The following ADAMTS6 variants were observed in gnomAD, a reference collection of about 807,000 sequenced individuals.
ADAMTS6 encodes ADAM metallopeptidase with thrombospondin type 1 motif 6, also known as A disintegrin and metalloproteinase with thrombospondin motifs 6.
A neutral mutation model predicts 144.3 loss-of-function variants in ADAMTS6; 23 were observed. The ratio of observed to expected loss-of-function variants is 0.16; its 90% CI spans 0.11 to 0.23. ADAMTS6 has a LOEUF of 0.23. Ranked by LOEUF, ADAMTS6 falls within the 10% of genes least tolerant of loss-of-function variation. The pLI is 1.00. For missense variants in ADAMTS6, 999 were observed against 1,379.6 expected (o/e 0.72, Z 4.37); for synonymous variants, 444 against 457.5 (o/e 0.97, Z 0.38).
At chr5:65,397,000 G>A (rs995998523) in intron 7 of ADAMTS6, among the ~76,000 whole-genome samples, 1 of 152,146 alleles carries the variant, frequency 6.6e-6, no homozygotes, top group African/African-American at 2.4e-5. Context: ...TTAACTGTTG[G>A]TTCCATTTCT....
Position 65,230,339 on chromosome 5 carries a change from G to T in ADAMTS6, c.1934-4120C>A, listed in dbSNP as rs1368176147. ...AATATATATAATACATTATATATAT[G>T]AAATATATATAATACATTATATATG... On this transcript the variant is annotated intron_variant, in intron 15 of 24. Coordinates refer to ENST00000381055, the MANE Select transcript of ADAMTS6 (RefSeq NM_197941.4). 1.8e-5 allele frequency among the ~76,000 whole-genome samples: 2 copies of T among 110,192 alleles called. 1 individual carries two copies. The highest frequency in any genetic ancestry group is 3.4e-5 in the Non-Finnish European group (2 of 58,888). 72.3% of individuals were successfully genotyped at this position (110,192 alleles called of 152,430 possible). A position where few individuals can be genotyped will look rare whatever the true frequency, so the allele number is the denominator to read the frequency against.
chr5:65,427,311 A>AT (rs932578508), intron 7 of ADAMTS6, among the ~76,000 whole-genome samples: 21 of 150,130 alleles, frequency 1.4e-4, no homozygotes, highest in Non-Finnish European at 2.2e-4. Context: ...TATTATTATT[A>AT]TTTTTTTTTA....
intron 15 of ADAMTS6, among the ~76,000 whole-genome samples, chr5:65,237,825 G>C (rs142728392): frequency 2.6e-4 from 39 of 152,246 alleles, no homozygotes; most frequent in Non-Finnish European, 5.0e-4. Context: ...GTTGGCTCAC[G>C]CCTGTAATCC....
chr5:65,354,287 A>G (rs79143098), intron 7 of ADAMTS6, among the ~76,000 whole-genome samples: 2,129 of 151,964 alleles, frequency 0.014, 32 homozygotes, highest in East Asian at 0.082. Context: ...GGGTTCTAAA[A>G]TGGGTTCTAC....
chr5:65,385,626 C>T (rs1430346194), intron 7 of ADAMTS6, among the ~76,000 whole-genome samples: 6 of 151,916 alleles, frequency 3.9e-5, no homozygotes, highest in Non-Finnish European at 8.8e-5. Flanking sequence ...AAATTATTTA[C>T]ATTTTGAGCC....
chr5:65,327,425 C>G (rs1436709889), intron 9 of ADAMTS6, among the ~76,000 whole-genome samples: 1 of 151,080 alleles, frequency 6.6e-6, no homozygotes, highest in Non-Finnish European at 1.5e-5. Context: ...GGGGAAAAAC[C>G]TATTTTTTTT....
intron 12 of ADAMTS6, among the ~76,000 whole-genome samples, chr5:65,267,338 A>C (rs1761700966): frequency 6.6e-6 from 1 of 152,112 alleles, no homozygotes; most frequent in South Asian, 2.1e-4. Context: ...AAATTGGATA[A>C]ATTTGGCCTT....
intron 7 of ADAMTS6, among the ~76,000 whole-genome samples, chr5:65,426,461 C>T (rs1329082893): frequency 6.6e-6 from 1 of 151,478 alleles, no homozygotes; most frequent in Non-Finnish European, 1.5e-5. Flanking sequence ...GGGAACTGGA[C>T]ACTTGGGGGA....
intron 14 of ADAMTS6, among the ~76,000 whole-genome samples, chr5:65,246,875 T>C (rs577614158): frequency 2.0e-5 from 3 of 152,162 alleles, no homozygotes; most frequent in South Asian, 2.1e-4. Context: ...GAATTATATA[T>C]GCTGGTTTGA....
At chr5:65,309,203 T>C (rs777539103) in intron 9 of ADAMTS6, among the ~76,000 whole-genome samples, 4 of 152,030 alleles carry the variant, frequency 2.6e-5, no homozygotes, top group African/African-American at 4.8e-5. Context: ...CATTGTAAGA[T>C]ATAATGAATT....
At chr5:65,298,151 C>T (rs1743022177) in intron 10 of ADAMTS6, among the ~76,000 whole-genome samples, 1 of 152,062 alleles carries the variant, frequency 6.6e-6, no homozygotes, top group African/African-American at 2.4e-5. Flanking sequence ...AGTGTCTTAG[C>T]CTCAGTATGC....
rs1388044273 is a variant in ADAMTS6, at chr5:65,373,160, G to C, written c.1074-39075C>G. ...AATGCCCACAAGAGAAAGCAGGAAA[G>C]ATCCAAAATTGACACCCTAACATCA... On this transcript the variant is annotated intron_variant, in intron 7 of 24. Transcript: ENST00000381055. Among the ~76,000 whole-genome samples, 19 of 150,544 alleles carry C rather than the reference G, an allele frequency of 1.3e-4. No homozygotes were observed. The South Asian group carries it at 2.9e-3, about 23-fold the overall frequency.
chr5:65,230,805 AAT>A (rs1179794516), intron 15 of ADAMTS6, among the ~76,000 whole-genome samples: 11 of 73,892 alleles, frequency 1.5e-4, no homozygotes, highest in African/African-American at 2.3e-4. Flanking sequence ...ATATGTATGA[AAT>A]ATATATATAA....
intron 7 of ADAMTS6, among the ~76,000 whole-genome samples, chr5:65,440,630 G>A (rs1167522823): frequency 1.3e-5 from 2 of 152,136 alleles, no homozygotes; most frequent in Non-Finnish European, 2.9e-5. Flanking sequence ...TGGCTCATAT[G>A]ACGTAAGAGA....
intron 11 of ADAMTS6, among the ~76,000 whole-genome samples, chr5:65,286,037 G>T (rs755871543): frequency 2.0e-5 from 3 of 152,110 alleles, no homozygotes; most frequent in Non-Finnish European, 2.9e-5. Flanking sequence ...AGTACAAAAG[G>T]TTCAGATTCT....
intron 7 of ADAMTS6, among the ~76,000 whole-genome samples, chr5:65,410,257 A>G (rs1241878445): frequency 6.6e-6 from 1 of 152,184 alleles, no homozygotes; most frequent in East Asian, 1.9e-4. Context: ...GAAAAATAAC[A>G]TTTCTTCATG....
chr5:65,320,558 T>C (rs1745514263), intron 9 of ADAMTS6, among the ~76,000 whole-genome samples: 2 of 152,048 alleles, frequency 1.3e-5, no homozygotes, highest in African/African-American at 2.4e-5. Context: ...TTCTCTCTTT[T>C]TTTTTTTTAC....
intron 7 of ADAMTS6, among the ~76,000 whole-genome samples, chr5:65,437,379 C>G (rs535764287): frequency 6.6e-6 from 1 of 152,204 alleles, no homozygotes; most frequent in Non-Finnish European, 1.5e-5. Context: ...CAGGTGTGAG[C>G]CACCACACTC....
chr5:65,193,545 T>C (rs545977695), intron 21 of ADAMTS6, among the ~76,000 whole-genome samples: 9 of 152,040 alleles, frequency 5.9e-5, no homozygotes, highest in African/African-American at 1.9e-4. Flanking sequence ...TTTTCCCCTA[T>C]AAAATAATGA....
Sources: gnomAD v4.1 joint callset for allele counts (sites outside exome capture counted in the v4.1 genomes callset) on GRCh38, gnomAD v4.1.1 for gene constraint, MANE v1.5 for transcripts, NCBI Gene and HGNC (gene_info 2026-07-23, HGNC 2026-07-21) for gene names.